MACROH2A1: variants seen among roughly 807,000 people sequenced by gnomAD.
MACROH2A1 encodes the protein macroH2A.1 histone, also known as core histone macro-H2A.1.
In MACROH2A1, 2 loss-of-function variants were observed where a neutral mutation model predicts 31.6. That is an observed-to-expected ratio of 0.06 (90% CI 0.03 to 0.20). The LOEUF (loss-of-function observed/expected upper bound fraction) is 0.20. Among genes scored for constraint, MACROH2A1 ranks in the 10% least tolerant of loss-of-function variants. The pLI is 1.00. For missense variants in MACROH2A1, 230 were observed against 474.0 expected (o/e 0.49, Z 4.78); for synonymous variants, 169 against 189.6 (o/e 0.89, Z 0.89).
Position 135,343,337 on chromosome 5 carries a change from C to A in MACROH2A1, c.876G>T (p.Lys292Asn). The change falls in exon 8 of 9, where the codon AAG becomes AAT. Residue 292 changes from lysine to asparagine, a missense_variant. Coordinates refer to ENST00000511689, the MANE Select transcript of MACROH2A1 (RefSeq NM_138610.3). ...CCAGGGCCAAGCAGTTTTTCACTGT[C>A]TTTTCCAGAAGTTCTTCACACTTGT... is the stretch of plus-strand genomic sequence containing the variant. Reference protein sequence around the residue: ...GADKCEELLEKTVKNCLALAD... With the variant: ...GADKCEELLENTVKNCLALAD... The A allele has an allele frequency of 1.2e-6, 2 of 1,614,228 alleles. No individual in the cohort carries two copies. The highest frequency in any genetic ancestry group is 1.1e-5 in the South Asian group (1 of 91,078).
chr5:135,347,838 A>G (rs776681120), intron 6 of MACROH2A1, among the ~76,000 whole-genome samples: 8 of 152,216 alleles, frequency 5.3e-5, no homozygotes, highest in Non-Finnish European at 1.0e-4. Context: ...AGGCAGGGCA[A>G]CAAAAATGCT....
chr5:135,397,842 C>G (rs1024843203), intron 1 of MACROH2A1, among the ~76,000 whole-genome samples: 1 of 152,150 alleles, frequency 6.6e-6, no homozygotes, highest in Non-Finnish European at 1.5e-5. Flanking sequence ...GTCTCCCATT[C>G]AAACCTAAGA....
intron 4 of MACROH2A1, among the ~76,000 whole-genome samples, chr5:135,364,839 G>A (rs1433337668): frequency 1.3e-5 from 2 of 152,282 alleles, no homozygotes; most frequent in East Asian, 1.9e-4. Flanking sequence ...TTACCAGAAC[G>A]TTAATCACTC....
rs886286825 is a variant in MACROH2A1 at position 135,389,181 on chromosome 5, T to G, written c.-33-55A>C. The G allele has an allele frequency of 2.2e-6, 3 of 1,357,356 alleles. 1 individual carries two copies. The highest frequency in any genetic ancestry group is 2.7e-5 in the South Asian group (2 of 74,846). 84.1% of individuals were successfully genotyped at this position (1,357,356 alleles called of 1,614,324 possible). A position where few individuals can be genotyped will look rare whatever the true frequency, so the allele number is the denominator to read the frequency against. ...GTGGCTGGGGACAGCACATGTCCCC[T>G]TTCCAGGTACACTCTAGTCCCCTGG... On this transcript the variant is annotated intron_variant, in intron 1 of 8. Transcript: ENST00000511689.
In MACROH2A1 at chr5:135,360,545, G is replaced by A. The variant is rs763669042; in HGVS notation, c.540C>T (p.Ala180=). ...SADSTTEGTP[A]DGFTVLSTKS... ...TGGTGGAGAGGACTGTGAAGCCGTC[G>A]GCAGGTGTGCCCTCGGTTGTGCTGT... is the stretch of plus-strand genomic sequence containing the variant. The change falls in exon 5 of 9, where the codon GCC becomes GCT. Residue 180 remains alanine (A), a synonymous_variant. Coordinates refer to ENST00000511689, the MANE Select transcript of MACROH2A1 (RefSeq NM_138610.3). 1.4e-5 allele frequency: 22 copies of A among 1,614,014 alleles called. No individual in the cohort carries two copies. Among genetic ancestry groups the A allele is most frequent in the Middle Eastern group, 3.3e-4 (2 of 6,062 alleles).
chr5:135,355,261 G>A (rs1561597014), intron 5 of MACROH2A1: 1 of 456,046 alleles, frequency 2.2e-6, no homozygotes, highest in East Asian at 6.9e-5. Flanking sequence ...TCAAGCTCAT[G>A]GAGAATTCTC....
chr5:135,369,798 A>T lies in MACROH2A1; in HGVS notation c.280-195T>A, dbSNP rs1478180837. On this transcript the variant is annotated intron_variant, in intron 3 of 8. Coordinates refer to ENST00000511689, the MANE Select transcript of MACROH2A1 (RefSeq NM_138610.3). This position sits in a 1 kb window ranked among gnomAD's most constrained non-coding sequence, Gnocchi z 4.3. ...TCCCCAGAGTCCCTCACTCAAATGGAATTTAGATCATCTCTCTCCTTTCGG... is the reference window on the plus strand; with the variant it reads ...TCCCCAGAGTCCCTCACTCAAATGGTATTTAGATCATCTCTCTCCTTTCGG... Among the ~76,000 whole-genome samples the T allele has an allele frequency of 6.6e-6, 1 of 152,068 alleles. No individual in the cohort carries two copies. The highest frequency in any genetic ancestry group is 2.4e-5 in the African/African-American group (1 of 41,400).
intron 8 of MACROH2A1, among the ~76,000 whole-genome samples, chr5:135,335,934 C>T (rs116052633): frequency 6.4e-4 from 97 of 152,262 alleles, no homozygotes; most frequent in African/African-American, 2.3e-3. Flanking sequence ...CTAGTGAAAA[C>T]CTGGGTTTAG....
At chr5:135,364,802 C>G (rs186753351) in intron 4 of MACROH2A1, among the ~76,000 whole-genome samples, 16 of 152,222 alleles carry the variant, frequency 1.1e-4, no homozygotes, top group Admixed American at 1.0e-3. Context: ...GCTTCTCAAA[C>G]GAACCAATTC....
intron 5 of MACROH2A1, chr5:135,359,127 A>T: frequency 1.0e-6 from 1 of 985,336 alleles, no homozygotes; most frequent in Non-Finnish European, 1.2e-6. Flanking sequence ...TTCTGATCTG[A>T]GGCTGCCTTT....
At chr5:135,377,649 G>A (rs1765073440) in intron 2 of MACROH2A1, among the ~76,000 whole-genome samples, 1 of 152,188 alleles carries the variant, frequency 6.6e-6, no homozygotes, top group Admixed American at 6.5e-5. Context: ...CTTGGTCAGA[G>A]GGAGACGTTT....
chr5:135,340,474 C>T (rs1174676057), intron 8 of MACROH2A1, among the ~76,000 whole-genome samples: 1 of 152,176 alleles, frequency 6.6e-6, no homozygotes, highest in Non-Finnish European at 1.5e-5. Flanking sequence ...GGAGAGGGGT[C>T]ACCCCTAATG....
intron 6 of MACROH2A1, chr5:135,350,563 C>T (rs1369651551): frequency 7.0e-6 from 3 of 430,718 alleles, no homozygotes; most frequent in African/African-American, 2.0e-5. Flanking sequence ...CCTTGTGGGG[C>T]AGGTGAAGAA....
rs150824748 is a variant in MACROH2A1, at chr5:135,340,761, A to T, written c.953+2499T>A. Among the ~76,000 whole-genome samples, 426 of 152,270 alleles carry T rather than the reference A, an allele frequency of 2.8e-3. 2 individuals carry two copies. Among genetic ancestry groups the T allele is most frequent in the African/African-American group, 9.4e-3 (389 of 41,540 alleles). ...CTGGATGCAACAAACAAGCTGTTTT[A>T]TTTCCCCTCCTAAAACCCACTGTGA... is the stretch of plus-strand genomic sequence containing the variant. On this transcript the variant is annotated intron_variant, in intron 8 of 8. Coordinates refer to ENST00000511689, the MANE Select transcript of MACROH2A1 (RefSeq NM_138610.3).
At chr5:135,350,723 A>G in intron 6 of MACROH2A1, 1 of 717,086 alleles carries the variant, frequency 1.4e-6, no homozygotes, top group Non-Finnish European at 2.5e-6. Context: ...TGGAAGTGTG[A>G]AATGAATGCA....
intron 4 of MACROH2A1, chr5:135,361,433 T>A (rs1762836298): frequency 1.3e-5 from 2 of 151,100 alleles, no homozygotes; most frequent in South Asian, 4.1e-4. Context: ...ACTGTGGGAG[T>A]AGGGATGCGT....
In MACROH2A1 at chr5:135,360,612, C is replaced by T; in HGVS notation, c.478-5G>A. The T allele has an allele frequency of 6.2e-7, 1 of 1,605,416 alleles. No individual in the cohort carries two copies. Among genetic ancestry groups the T allele is most frequent in the Admixed American group, 1.7e-5 (1 of 60,022 alleles). ...ACTGACTTCACCCTGCTTCTTCTTGCACAGACGGAAGGGTCAGAATGTGGG... is the reference window on the plus strand; with the variant it reads ...ACTGACTTCACCCTGCTTCTTCTTGTACAGACGGAAGGGTCAGAATGTGGG... On this transcript the variant is annotated splice_polypyrimidine_tract_variant and splice_region_variant and intron_variant, in intron 4 of 8. Coordinates refer to ENST00000511689, the MANE Select transcript of MACROH2A1 (RefSeq NM_138610.3).
chr5:135,345,639 CCAG>C (rs1210900433), intron 7 of MACROH2A1: 1 of 223,454 alleles, frequency 4.5e-6, no homozygotes, highest in African/African-American at 2.3e-5. Flanking sequence ...GTATCTCTCA[CCAG>C]CAGTTTTGCA....
At chr5:135,346,320 C>A in intron 6 of MACROH2A1, 1 of 465,474 alleles carries the variant, frequency 2.1e-6, no homozygotes, top group Non-Finnish European at 3.9e-6. Context: ...CATGGATGTG[C>A]CAGAGATGTG....
Sources: allele counts gnomAD v4.1 joint callset (sites outside exome capture counted in the v4.1 genomes callset), GRCh38; gene constraint gnomAD v4.1.1; non-coding constraint Gnocchi (gnomAD v3.1); transcripts MANE v1.5; gene names NCBI Gene and HGNC (gene_info 2026-07-23, HGNC 2026-07-21).